ANKRD13C: variants seen among roughly 807,000 people sequenced by gnomAD.
The protein encoded by ANKRD13C is ankyrin repeat domain 13C.
ANKRD13C carries 16 observed loss-of-function variants against 65.5 expected under a neutral mutation model. The observed-to-expected ratio is 0.24, with a 90% CI of 0.17 to 0.37. The LOEUF is 0.37. Ranked by LOEUF, ANKRD13C falls within the 10% of genes least tolerant of loss-of-function variation. The pLI, the probability that ANKRD13C is intolerant of heterozygous loss-of-function variation, is 1.00. For synonymous variants in ANKRD13C, 235 were observed against 238.7 expected, an observed-to-expected ratio of 0.98 and a Z score of 0.14; for missense variants, 503 against 655.9, an observed-to-expected ratio of 0.77 and a Z score of 2.55.
At chr1:70,339,139 G>A (rs1463523165) in intron 1 of ANKRD13C, among the ~76,000 whole-genome samples, 1 of 151,526 alleles carries the variant, frequency 6.6e-6, no homozygotes, top group Non-Finnish European at 1.5e-5. Flanking sequence ...GAGTCCGGGT[G>A]GCAGAGGTTG....
intron 7 of ANKRD13C, among the ~76,000 whole-genome samples, chr1:70,300,519 C>T (rs374672448): frequency 9.9e-5 from 15 of 151,706 alleles, no homozygotes; most frequent in African/African-American, 2.7e-4. Flanking sequence ...ACCTGGGAGG[C>T]GGAGGTTGCA....
intron 9 of ANKRD13C, among the ~76,000 whole-genome samples, chr1:70,279,673 T>G (rs1679299448): frequency 6.6e-6 from 1 of 152,012 alleles, no homozygotes; most frequent in Non-Finnish European, 1.5e-5. Flanking sequence ...CAGCTAATTT[T>G]TGTATTTTTA....
chr1:70,265,364 GAA>G (rs1001593563), intron 12 of ANKRD13C, among the ~76,000 whole-genome samples: 11 of 152,208 alleles, frequency 7.2e-5, no homozygotes, highest in African/African-American at 2.6e-4. Flanking sequence ...TTCAAAATAA[GAA>G]AAGTCAAATC....
chr1:70,293,116 A>C (rs760726315), intron 8 of ANKRD13C, among the ~76,000 whole-genome samples: 1 of 152,176 alleles, frequency 6.6e-6, no homozygotes, highest in Non-Finnish European at 1.5e-5. Context: ...AGAGGAAAAG[A>C]GTACCCTTGC....
chr1:70,289,439 C>T (rs1332304139), intron 9 of ANKRD13C, among the ~76,000 whole-genome samples: 1 of 151,842 alleles, frequency 6.6e-6, no homozygotes, highest in East Asian at 1.9e-4. Flanking sequence ...TTTCCATATA[C>T]TTATCCCAAA....
At chr1:70,287,111 T>C (rs911716336) in intron 9 of ANKRD13C, among the ~76,000 whole-genome samples, 3 of 152,096 alleles carry the variant, frequency 2.0e-5, no homozygotes, top group African/African-American at 4.8e-5. Context: ...TCTTTTATGA[T>C]AGTCTCAAAA....
At chr1:70,330,169 T>C (rs1251345922) in intron 2 of ANKRD13C, among the ~76,000 whole-genome samples, 2 of 150,954 alleles carry the variant, frequency 1.3e-5, no homozygotes, top group African/African-American at 4.9e-5. Context: ...AAGAAGGTAG[T>C]TAACAACTAA....
intron 9 of ANKRD13C, among the ~76,000 whole-genome samples, chr1:70,280,583 C>G (rs1679344453): frequency 6.6e-6 from 1 of 152,142 alleles, no homozygotes; most frequent in African/African-American, 2.4e-5. Flanking sequence ...AGCTAAAACA[C>G]CAACTGTGGA....
intron 3 of ANKRD13C, among the ~76,000 whole-genome samples, chr1:70,324,651 C>T (rs1681454901): frequency 6.6e-6 from 1 of 152,028 alleles, no homozygotes; most frequent in South Asian, 2.1e-4. Flanking sequence ...AAAAAAAATT[C>T]ATAATTTTAA....
intron 2 of ANKRD13C, among the ~76,000 whole-genome samples, chr1:70,328,619 G>A (rs1969953): frequency 0.11 from 16,859 of 152,116 alleles, 1,150 homozygotes; most frequent in East Asian, 0.33. Flanking sequence ...CCGAGACAGC[G>A]CCATTACACT....
chr1:70,300,831 G>A lies in ANKRD13C; in HGVS notation c.854C>T (p.Ala285Val), dbSNP rs758977468. 7.4e-6 allele frequency: 12 copies of A among 1,613,040 alleles called. No individual in the cohort carries two copies. The highest frequency in any genetic ancestry group is 4.4e-5 in the South Asian group (4 of 90,944). Residue 285 changes from alanine to valine, a missense_variant, in exon 7 of 13, where the codon GCG (alanine) becomes GTG (valine). Ala to Val is a moderately conservative substitution (Grantham distance 64). Coordinates refer to ENST00000370944, the MANE Select transcript of ANKRD13C (RefSeq NM_030816.5). ...TACTACAAAAGATTCAGAGGGCGCC[G>A]CATCCCCATTGAAAATGAAGCTTAG... is the stretch of plus-strand genomic sequence containing the variant. ...GDLSFIFNGDAAPSESFVVLD... is the reference protein window; with the variant it reads ...GDLSFIFNGDVAPSESFVVLD...
intron 2 of ANKRD13C, among the ~76,000 whole-genome samples, chr1:70,335,470 G>T (rs546820352): frequency 6.5e-4 from 98 of 150,752 alleles, no homozygotes; most frequent in Non-Finnish European, 1.2e-3. Flanking sequence ...AGTACTCAAA[G>T]CATTGCTATT....
In ANKRD13C at chr1:70,354,565, G is replaced by A. The variant is rs1682916698; in HGVS notation, c.-157C>T. On this transcript the variant is annotated 5_prime_UTR_variant, in exon 1 of 13. Coordinates refer to ENST00000370944, the MANE Select transcript of ANKRD13C (RefSeq NM_030816.5). ...CGAGCCTGGGACAAACGCATCTCCC[G>A]GGGAAGAGCCGGCTCTCGCCTAGGC... 3 of 1,426,018 alleles carry A rather than the reference G, an allele frequency of 2.1e-6. No individual in the cohort carries two copies. The highest frequency in any genetic ancestry group is 5.7e-5 in the Admixed American group (2 of 34,872). The allele number at this position is 1,426,018 out of a possible 1,614,324, so 88.3% of individuals were successfully genotyped here.
chr1:70,292,831 T>C (rs1409592871), intron 8 of ANKRD13C, among the ~76,000 whole-genome samples: 1 of 152,206 alleles, frequency 6.6e-6, no homozygotes, highest in African/African-American at 2.4e-5. Flanking sequence ...TTAAATAAAA[T>C]TGCCACATAG....
At chr1:70,308,608 G>A (rs1244791731) in intron 5 of ANKRD13C, among the ~76,000 whole-genome samples, 2 of 151,490 alleles carry the variant, frequency 1.3e-5, no homozygotes, top group South Asian at 2.1e-4. Flanking sequence ...GTGTGGTGGC[G>A]GGCGCCTGTA....
At position 70,261,397 on chromosome 1, in the gene ANKRD13C, T is replaced by C. The variant is rs1678384467; in HGVS notation, c.*1320A>G. ...CTAAAAAACTTGACAGATGCATTCTTGAGACATTCATCAGGATACATTTTA... is the reference window on the plus strand; with the variant it reads ...CTAAAAAACTTGACAGATGCATTCTCGAGACATTCATCAGGATACATTTTA... On this transcript the variant is annotated 3_prime_UTR_variant, in exon 13 of 13. Transcript: ENST00000370944. 3 of 152,234 alleles carry C rather than the reference T, an allele frequency of 2.0e-5. No individual in the cohort carries two copies. The South Asian group carries it at 6.2e-4, about 32-fold the overall frequency. The allele number at this position is 152,234 out of a possible 1,614,324, so 9.4% of individuals were successfully genotyped here. A position where few individuals can be genotyped will look rare whatever the true frequency, so the allele number is the denominator to read the frequency against.
At position 70,347,091 on chromosome 1, in the gene ANKRD13C, C is replaced by CAAA. The variant is rs35972712; in HGVS notation, c.430+6885_430+6887dup. Among the ~76,000 whole-genome samples the CAAA allele has an allele frequency of 2.2e-4, 8 of 36,352 alleles. 1 individual carries two copies. Among genetic ancestry groups the CAAA allele is most frequent in the Admixed American group, 1.1e-3 (3 of 2,614 alleles). The allele number at this position is 36,352 out of a possible 152,430, so 23.8% of individuals were successfully genotyped here. A position where few individuals can be genotyped will look rare whatever the true frequency, so the allele number is the denominator to read the frequency against. On this transcript the variant is annotated intron_variant, in intron 1 of 12. Coordinates refer to ENST00000370944, the MANE Select transcript of ANKRD13C (RefSeq NM_030816.5). ...TTGGTGACAGAGCGAGGCTCCGTCTCAAAAAAAAAAAAAAAAAAAAAAAAA... is the reference window on the plus strand; with the variant it reads ...TTGGTGACAGAGCGAGGCTCCGTCTCAAAAAAAAAAAAAAAAAAAAAAAAAAAA...
chr1:70,262,557 CTTA>C lies in ANKRD13C; in HGVS notation c.*157_*159del. The stretch of plus-strand genomic sequence containing the variant: ...GCACATCAGAAAACTCGCTGAAATT[CTTA>C]TTAGAGGCCCATTTCACTGTATCGT... On this transcript the variant is annotated 3_prime_UTR_variant, in exon 13 of 13. Transcript: ENST00000370944. 1.4e-6 allele frequency: 1 copy of C among 711,954 alleles called. No individual in the cohort carries two copies. The highest frequency in any genetic ancestry group is 3.9e-5 in the South Asian group (1 of 25,908). The allele number at this position is 711,954 out of a possible 1,614,324, so 44.1% of individuals were successfully genotyped here.
At position 70,262,581 on chromosome 1, in the gene ANKRD13C, A is replaced by G; in HGVS notation, c.*136T>C. The G allele has an allele frequency of 1.0e-6, 1 of 975,074 alleles. No individual in the cohort carries two copies. Among genetic ancestry groups the G allele is most frequent in the Non-Finnish European group, 1.5e-6 (1 of 686,718 alleles). The allele number at this position is 975,074 out of a possible 1,614,324, so 60.4% of individuals were successfully genotyped here. A position where few individuals can be genotyped will look rare whatever the true frequency, so the allele number is the denominator to read the frequency against. On this transcript the variant is annotated 3_prime_UTR_variant, in exon 13 of 13. Transcript: ENST00000370944. ...TCTTATTAGAGGCCCATTTCACTGTATCGTATTACTGATGTGTCGATTCAA... is the reference window on the plus strand; with the variant it reads ...TCTTATTAGAGGCCCATTTCACTGTGTCGTATTACTGATGTGTCGATTCAA...
Sources: allele counts gnomAD v4.1 joint callset (sites outside exome capture counted in the v4.1 genomes callset), GRCh38; gene constraint gnomAD v4.1.1; transcripts MANE v1.5; gene names NCBI Gene and HGNC (gene_info 2026-07-23, HGNC 2026-07-21).